Variants in STIM2 observed in about 807,000 individuals in gnomAD.
STIM2 encodes stromal interaction molecule 2.
Under a neutral mutation model 85.8 loss-of-function variants are expected in STIM2, and 31 were observed. The observed-to-expected ratio is 0.36, with a 90% confidence interval of 0.27 to 0.49. STIM2 has a LOEUF of 0.49. STIM2 is among the 20% of genes least tolerant of loss of function. The pLI is 0.98. For synonymous variants in STIM2, 356 were observed against 331.1 expected (o/e 1.08, Z -0.82); for missense variants, 841 against 927.6 (o/e 0.91, Z 1.21).
At chr4:26,861,825 T>G (rs1401255710) in intron 1 of STIM2, among the ~76,000 whole-genome samples, 1 of 151,934 alleles carries the variant, frequency 6.6e-6, no homozygotes, top group Non-Finnish European at 1.5e-5. Context: ...AAGCTCCGCT[T>G]GAGCACAGCG....
intron 1 of STIM2, among the ~76,000 whole-genome samples, chr4:26,878,531 C>A (rs1043638156): frequency 3.3e-5 from 5 of 152,104 alleles, no homozygotes; most frequent in Non-Finnish European, 7.4e-5. Context: ...TTACCTGCTT[C>A]TCCTAGTCTG....
At chr4:26,976,821 T>G (rs1184559579) in intron 3 of STIM2, among the ~76,000 whole-genome samples, 2 of 152,012 alleles carry the variant, frequency 1.3e-5, no homozygotes, top group Admixed American at 1.3e-4. Context: ...CAAAAAAAAT[T>G]ATTTTTCCTG....
At chr4:27,002,874 A>AT (rs1728205614) in intron 6 of STIM2, 53 bp from the exon 7 acceptor site, 2 of 1,432,156 alleles carry the variant, frequency 1.4e-6, no homozygotes, top group Non-Finnish European at 1.8e-6. Context: ...TTTGTAAAAA[A>AT]AAATAAAACT....
intron 1 of STIM2, among the ~76,000 whole-genome samples, chr4:26,915,766 A>T (rs1332831343): frequency 6.6e-6 from 1 of 152,122 alleles, no homozygotes; most frequent in Non-Finnish European, 1.5e-5. Context: ...TAATACTCAA[A>T]AGCTGTATCA....
At chr4:26,922,482 C>G (rs1018132000) in intron 2 of STIM2, among the ~76,000 whole-genome samples, 2 of 152,108 alleles carry the variant, frequency 1.3e-5, no homozygotes, top group Non-Finnish European at 2.9e-5. Context: ...GCTCACAGAA[C>G]TCAGGAAAAC....
At chr4:27,000,112 A>G (rs954509572) in intron 5 of STIM2, among the ~76,000 whole-genome samples, 2 of 152,128 alleles carry the variant, frequency 1.3e-5, no homozygotes, top group South Asian at 2.1e-4. Flanking sequence ...GCCTTCCACA[A>G]GTTATAAAGT....
intron 2 of STIM2, among the ~76,000 whole-genome samples, chr4:26,951,911 AGAGGCCAAAGCCTAATGGTAG>A (rs1726068211): frequency 6.6e-6 from 1 of 152,170 alleles, no homozygotes; most frequent in Non-Finnish European, 1.5e-5. Flanking sequence ...TTCTGGCATC[AGAGGCCAAAGCCTAATGGTAG>A]ATTTTGGCTG....
intron 10 of STIM2, among the ~76,000 whole-genome samples, chr4:27,013,986 G>T (rs1420597841): frequency 6.6e-6 from 1 of 151,884 alleles, no homozygotes; most frequent in East Asian, 1.9e-4. Flanking sequence ...AGAATATTGT[G>T]TTTTATCTGA....
intron 2 of STIM2, among the ~76,000 whole-genome samples, chr4:26,953,302 T>C (rs904624064): frequency 2.6e-5 from 4 of 152,190 alleles, no homozygotes; most frequent in African/African-American, 9.7e-5. Flanking sequence ...ACTTTGACAT[T>C]GATTCAACAT....
intron 1 of STIM2, among the ~76,000 whole-genome samples, chr4:26,881,842 T>G (rs955839010): frequency 6.6e-6 from 1 of 152,234 alleles, no homozygotes; most frequent in Non-Finnish European, 1.5e-5. Context: ...TTAAAAAATA[T>G]TGTTGTAGAC....
At chr4:26,866,414 G>A (rs1722411468) in intron 1 of STIM2, among the ~76,000 whole-genome samples, 1 of 152,172 alleles carries the variant, frequency 6.6e-6, no homozygotes, top group Non-Finnish European at 1.5e-5. Context: ...AGCACCACAA[G>A]GGACTGCAAA....
At chr4:26,986,701 G>A (rs1727598272) in intron 3 of STIM2, among the ~76,000 whole-genome samples, 1 of 152,154 alleles carries the variant, frequency 6.6e-6, no homozygotes, top group African/African-American at 2.4e-5. Flanking sequence ...AGCCTCTTTG[G>A]TTCTGTTCTG....
intron 2 of STIM2, among the ~76,000 whole-genome samples, chr4:26,940,970 C>G (rs1342788789): frequency 6.6e-6 from 1 of 152,154 alleles, no homozygotes; most frequent in Non-Finnish European, 1.5e-5. Context: ...GTCCAGGGAC[C>G]ATGCTCTGAG....
chr4:27,009,542 A>G lies in STIM2; in HGVS notation c.1489+540A>G, dbSNP rs189723699. 2.0e-5 allele frequency among the ~76,000 whole-genome samples: 3 copies of G among 152,350 alleles called. No individual in the cohort carries two copies. The East Asian group carries it at 5.8e-4, about 29-fold the overall frequency. On this transcript the variant is annotated intron_variant, in intron 10 of 11. Coordinates refer to ENST00000467087, the MANE Select transcript of STIM2 (RefSeq NM_020860.4). Reference sequence around the variant, plus strand: ...TTGAATCCTAGCTCTACCACTAACTAACTCCAGGTATGTACTTGTATTATT... The same window carrying G: ...TTGAATCCTAGCTCTACCACTAACTGACTCCAGGTATGTACTTGTATTATT...
chr4:26,984,539 A>G (rs978991519), intron 3 of STIM2, among the ~76,000 whole-genome samples: 1 of 151,988 alleles, frequency 6.6e-6, no homozygotes. Context: ...TTTGTTTTGT[A>G]TTTTTAGTAG....
chr4:26,907,403 C>G (rs1724171436), intron 1 of STIM2, among the ~76,000 whole-genome samples: 1 of 152,134 alleles, frequency 6.6e-6, no homozygotes, highest in Non-Finnish European at 1.5e-5. Flanking sequence ...AACTATTAAA[C>G]AGATGCTTTG....
At chr4:26,957,561 C>G (rs1726293334) in intron 2 of STIM2, 51 bp from the exon 3 acceptor site, 6 of 1,096,212 alleles carry the variant, frequency 5.5e-6, no homozygotes, top group Non-Finnish European at 6.4e-6. Flanking sequence ...CTCTAGTTGT[C>G]AAGACTAAGG....
chr4:27,007,016 G>C (rs1728385691), intron 7 of STIM2, among the ~76,000 whole-genome samples: 1 of 152,192 alleles, frequency 6.6e-6, no homozygotes, highest in Admixed American at 6.5e-5. Context: ...TAAAAAGTGA[G>C]TATATAGTGA....
intron 1 of STIM2, among the ~76,000 whole-genome samples, chr4:26,878,745 C>T (rs768206039): frequency 1.3e-5 from 2 of 152,272 alleles, no homozygotes; most frequent in African/African-American, 2.4e-5. Flanking sequence ...ACATTTCCAC[C>T]TGGCTTGGGA....
Sources: allele counts gnomAD v4.1 joint callset (sites outside exome capture counted in the v4.1 genomes callset), GRCh38; gene constraint gnomAD v4.1.1; transcripts MANE v1.5; gene names NCBI Gene and HGNC (gene_info 2026-07-23, HGNC 2026-07-21).